The following PAK5 variants were observed in gnomAD, a reference collection of about 807,000 sequenced individuals.
The protein encoded by PAK5 is serine/threonine-protein kinase PAK 5.
A neutral mutation model predicts 65.9 loss-of-function variants in PAK5; 16 were observed. The observed-to-expected ratio is 0.24, with a 90% CI of 0.16 to 0.37. PAK5 has a LOEUF of 0.37. Ranked by LOEUF, PAK5 falls within the 10% of genes least tolerant of loss-of-function variation. The pLI, the probability that PAK5 is intolerant of heterozygous loss-of-function variation, is 1.00. For missense variants in PAK5, 785 were observed against 903.9 expected (o/e 0.87, Z 1.69); for synonymous variants, 371 against 354.9 (o/e 1.05, Z -0.51).
intron 2 of PAK5, among the ~76,000 whole-genome samples, chr20:9,650,828 C>T (rs1352872918): frequency 6.6e-6 from 1 of 152,168 alleles, no homozygotes; most frequent in Non-Finnish European, 1.5e-5. Flanking sequence ...GAAGCCACCA[C>T]CCATTAAAAG....
rs550764072 is a variant in PAK5, at chr20:9,655,731, G to T, written c.-11-11392C>A. On this transcript the variant is annotated intron_variant, in intron 2 of 9. Transcript: ENST00000353224. ...GGAAGGCATATGTATTAGTTTGCTA[G>T]GGCTGCCAAAACAAAGTAACACAGA... Among the ~76,000 whole-genome samples, 5 of 152,236 alleles carry T rather than the reference G, an allele frequency of 3.3e-5. No individual in the cohort carries two copies. The East Asian group carries it at 7.7e-4, about 23-fold the overall frequency.
At chr20:9,599,116 C>T (rs2046318752) in intron 3 of PAK5, among the ~76,000 whole-genome samples, 3 of 152,186 alleles carry the variant, frequency 2.0e-5, no homozygotes. Flanking sequence ...TGAAATCACA[C>T]AAGACTTGTT....
chr20:9,749,168 A>G (rs562564313), intron 1 of PAK5, among the ~76,000 whole-genome samples: 7 of 152,274 alleles, frequency 4.6e-5, no homozygotes, highest in Middle Eastern at 3.4e-3. Flanking sequence ...TACTATTGTT[A>G]TTATCATTGA....
chr20:9,817,665 T>G (rs1372241766), intron 1 of PAK5, among the ~76,000 whole-genome samples: 1 of 152,170 alleles, frequency 6.6e-6, no homozygotes, highest in Admixed American at 6.6e-5. Flanking sequence ...CTAATAATAT[T>G]TTTTTAATGC....
chr20:9,583,923 G>A (rs1888711), intron 3 of PAK5, among the ~76,000 whole-genome samples: 44,202 of 152,062 alleles, frequency 0.29, 6,677 homozygotes, highest in African/African-American at 0.37. Flanking sequence ...AATATAGTCA[G>A]TGTTCATAAA....
At chr20:9,664,650 G>A (rs992273687) in intron 2 of PAK5, among the ~76,000 whole-genome samples, 28 of 151,992 alleles carry the variant, frequency 1.8e-4, no homozygotes, top group South Asian at 1.7e-3. Context: ...TAATTATTTC[G>A]CCCACATTCT....
At chr20:9,780,606 A>G (rs2048931110) in intron 1 of PAK5, among the ~76,000 whole-genome samples, 1 of 151,968 alleles carries the variant, frequency 6.6e-6, no homozygotes, top group Admixed American at 6.6e-5. Flanking sequence ...AGATTTCTAT[A>G]CTCATAGAAA....
intron 4 of PAK5, among the ~76,000 whole-genome samples, chr20:9,576,706 C>A (rs888522215): frequency 1.3e-5 from 2 of 152,238 alleles, no homozygotes; most frequent in Non-Finnish European, 2.9e-5. Flanking sequence ...CCCTGTGCTA[C>A]TGGAAATGCA....
intron 3 of PAK5, among the ~76,000 whole-genome samples, chr20:9,619,867 T>A (rs1337871783): frequency 3.9e-5 from 6 of 152,212 alleles, no homozygotes; most frequent in Admixed American, 3.9e-4. Context: ...CAACCAATCA[T>A]CAGTGCTCTC....
intron 2 of PAK5, among the ~76,000 whole-genome samples, chr20:9,652,055 A>AT (rs1037690678): frequency 3.0e-4 from 45 of 152,128 alleles, no homozygotes; most frequent in Admixed American, 2.2e-3. Flanking sequence ...ACGAAGAGAG[A>AT]TTTTTCTTTT....
chr20:9,705,094 G>A (rs1218002459), intron 2 of PAK5, among the ~76,000 whole-genome samples: 1 of 152,208 alleles, frequency 6.6e-6, no homozygotes, highest in African/African-American at 2.4e-5. Flanking sequence ...GGCCAAGCGT[G>A]CTGCTAAATG....
intron 3 of PAK5, among the ~76,000 whole-genome samples, chr20:9,610,527 C>T (rs2046538983): frequency 6.6e-6 from 1 of 152,074 alleles, no homozygotes; most frequent in African/African-American, 2.4e-5. Context: ...ATATATTTAG[C>T]CAAATAGCAA....
At chr20:9,574,284 A>G (rs2045845819) in intron 4 of PAK5, among the ~76,000 whole-genome samples, 1 of 152,206 alleles carries the variant, frequency 6.6e-6, no homozygotes, top group African/African-American at 2.4e-5. Context: ...GCCTAGCTAT[A>G]TGAAGCAATG....
intron 1 of PAK5, among the ~76,000 whole-genome samples, chr20:9,778,598 T>C (rs1203139444): frequency 2.0e-5 from 3 of 152,188 alleles, no homozygotes; most frequent in Non-Finnish European, 2.9e-5. Context: ...TGGTGGTATA[T>C]AGAATGAGGC....
At chr20:9,605,704 G>A (rs536832155) in intron 3 of PAK5, among the ~76,000 whole-genome samples, 2 of 152,258 alleles carry the variant, frequency 1.3e-5, no homozygotes, top group African/African-American at 4.8e-5. Context: ...CAAGGCAGGC[G>A]GATCACTCGA....
intron 2 of PAK5, among the ~76,000 whole-genome samples, chr20:9,650,702 G>A (rs966380391): frequency 1.3e-5 from 2 of 152,044 alleles, no homozygotes; most frequent in African/African-American, 4.8e-5. Context: ...CCCTTCTGGA[G>A]TGCACCTTCT....
At chr20:9,676,405 T>C (rs1411251314) in intron 2 of PAK5, among the ~76,000 whole-genome samples, 1 of 152,212 alleles carries the variant, frequency 6.6e-6, no homozygotes. Flanking sequence ...AAAATTATGA[T>C]TTATTATTTT....
At chr20:9,836,296 C>T (rs1012575001) in intron 1 of PAK5, among the ~76,000 whole-genome samples, 4 of 151,960 alleles carry the variant, frequency 2.6e-5, no homozygotes, top group African/African-American at 7.3e-5. Context: ...GTGAATATGA[C>T]GTTTAGAAAT....
chr20:9,644,163 G>C lies in PAK5; in HGVS notation c.166C>G (p.Pro56Ala), dbSNP rs2047103321. ...TANRPKPMVD[P>A]SCITPIQLAP... ...AGCTGGATGGGTGTGATGCATGAAG[G>C]GTCCACCATAGGCTTTGGCCTGTTG... The change falls in exon 3 of 10, where the codon CCT (proline) becomes GCT (alanine). Residue 56 changes from proline to alanine, a missense_variant. Physicochemically the swap from Pro to Ala is conservative, Grantham distance 27. This residue lies in a region of PAK5 where 71 missense variants were observed against 110.2 expected (regional missense o/e 0.64). Coordinates refer to ENST00000353224, the MANE Select transcript of PAK5 (RefSeq NM_177990.4). 1 of 1,613,006 alleles carries C rather than the reference G, an allele frequency of 6.2e-7. No individual in the cohort carries two copies. The highest frequency in any genetic ancestry group is 8.5e-7 in the Non-Finnish European group (1 of 1,179,782).
Sources: allele counts gnomAD v4.1 joint callset (sites outside exome capture counted in the v4.1 genomes callset), GRCh38; gene constraint gnomAD v4.1.1; regional missense constraint gnomAD v4.1.1; transcripts MANE v1.5; gene names NCBI Gene and HGNC (gene_info 2026-07-23, HGNC 2026-07-21).